The following ANTXR1 variants were observed in gnomAD, a reference collection of about 807,000 sequenced individuals.
ANTXR1 encodes the protein ANTXR cell adhesion molecule 1.
Under a neutral mutation model 78.1 loss-of-function variants are expected in ANTXR1, and 19 were observed. That is an observed-to-expected ratio of 0.24 (90% CI 0.17 to 0.36). The LOEUF (loss-of-function observed/expected upper bound fraction) is 0.36, where lower values mean the gene tolerates loss of function less well. Ranked by LOEUF, ANTXR1 falls within the 10% of genes least tolerant of loss-of-function variation. ANTXR1 has a pLI of 1.00. For synonymous variants in ANTXR1, 273 were observed against 260.5 expected, an observed-to-expected ratio of 1.05 and a Z score of -0.46; for missense variants, 518 against 718.6, an observed-to-expected ratio of 0.72 and a Z score of 3.19.
In ANTXR1 at chr2:69,059,481, C is replaced by CT. The variant is rs35182884; in HGVS notation, c.297-11152dup. On this transcript the variant is annotated intron_variant, in intron 3 of 17. Coordinates refer to ENST00000303714, the MANE Select transcript of ANTXR1 (RefSeq NM_032208.3). ...AAAGTATTTTTCATCGAAGTGTGTACTTTTTTTTTTTTTTGAGACCGAGTT... is the reference window on the plus strand; with the variant it reads ...AAAGTATTTTTCATCGAAGTGTGTACTTTTTTTTTTTTTTTGAGACCGAGTT... Among the ~76,000 whole-genome samples the CT allele has an allele frequency of 5.6e-3, 814 of 145,922 alleles. 5 individuals carry two copies. Among genetic ancestry groups the CT allele is most frequent in the African/African-American group, 0.017 (696 of 40,078 alleles).
intron 17 of ANTXR1, among the ~76,000 whole-genome samples, chr2:69,230,298 G>A (rs943572073): frequency 1.3e-5 from 2 of 151,696 alleles, no homozygotes; most frequent in Admixed American, 1.3e-4. Flanking sequence ...ATTTCCTTAT[G>A]TCATCTAGTA....
At chr2:69,041,657 C>A (rs915254489) in intron 2 of ANTXR1, among the ~76,000 whole-genome samples, 2 of 152,226 alleles carry the variant, frequency 1.3e-5, no homozygotes, top group Admixed American at 6.5e-5. Context: ...CAGTCCAGCA[C>A]CTGGCTTAGA....
chr2:69,192,547 G>A lies in ANTXR1; in HGVS notation c.1354-788G>A, dbSNP rs563538364. Among the ~76,000 whole-genome samples, 104 of 152,218 alleles carry A rather than the reference G, an allele frequency of 6.8e-4. 1 individual carries two copies. Among genetic ancestry groups the A allele is most frequent in the East Asian group, 1.3e-3 (7 of 5,186 alleles). ...CCCATGCAGTTAGACTGAGCCCACC[G>A]GATAGTCCAGGATACTCTCCCCATC... On this transcript the variant is annotated intron_variant, in intron 16 of 17. Coordinates refer to ENST00000303714, the MANE Select transcript of ANTXR1 (RefSeq NM_032208.3).
intron 17 of ANTXR1, among the ~76,000 whole-genome samples, chr2:69,195,767 GA>G (rs920646160): frequency 2.0e-5 from 3 of 151,868 alleles, no homozygotes; most frequent in Admixed American, 2.0e-4. Flanking sequence ...GACAGATTGA[GA>G]AAAAAATAAT....
At chr2:69,163,966 G>A (rs1002878605) in intron 13 of ANTXR1, among the ~76,000 whole-genome samples, 6 of 152,184 alleles carry the variant, frequency 3.9e-5, no homozygotes, top group African/African-American at 1.4e-4. Context: ...TTTTGAGCTG[G>A]CACAGTTTTG....
chr2:69,229,424 T>C (rs1253102651), intron 17 of ANTXR1, among the ~76,000 whole-genome samples: 3 of 152,156 alleles, frequency 2.0e-5, no homozygotes, highest in African/African-American at 7.2e-5. Flanking sequence ...ATCAGCGCTG[T>C]GCACCAGATG....
At chr2:69,023,589 C>A (rs1424072526) in intron 1 of ANTXR1, among the ~76,000 whole-genome samples, 1 of 151,848 alleles carries the variant, frequency 6.6e-6, no homozygotes, top group East Asian at 1.9e-4. Flanking sequence ...AGAATATGGT[C>A]CTCTAACAAA....
chr2:69,136,150 A>C (rs1271607389), intron 12 of ANTXR1, among the ~76,000 whole-genome samples: 1 of 152,196 alleles, frequency 6.6e-6, no homozygotes, highest in African/African-American at 2.4e-5. Context: ...AATGCAATGA[A>C]ATATTCTCTG....
intron 12 of ANTXR1, among the ~76,000 whole-genome samples, chr2:69,137,458 G>T (rs991218685): frequency 3.3e-5 from 5 of 152,146 alleles, no homozygotes; most frequent in African/African-American, 1.2e-4. Flanking sequence ...GGTTATTGAG[G>T]CTATTCCAGA....
In ANTXR1 at chr2:69,096,302, A is replaced by C. The variant is rs1374969165; in HGVS notation, c.703+5383A>C. On this transcript the variant is annotated intron_variant, in intron 9 of 17. Coordinates refer to ENST00000303714, the MANE Select transcript of ANTXR1 (RefSeq NM_032208.3). ...GAAGGAAGGAAGGGAGGAAGGGAGG[A>C]AGGGAGGAAGGGAGGAAGGGAGGAA... Among the ~76,000 whole-genome samples, 29 of 3,176 alleles carry C rather than the reference A, an allele frequency of 9.1e-3. 5 individuals are homozygous for C. Among genetic ancestry groups the C allele is most frequent in the Non-Finnish European group, 0.014 (23 of 1,634 alleles). The allele number at this position is 3,176 out of a possible 152,430, so 2.1% of individuals were successfully genotyped here. A position where few individuals can be genotyped will look rare whatever the true frequency, so the allele number is the denominator to read the frequency against.
In ANTXR1 at chr2:69,069,751, A is replaced by T. The variant is rs182141935; in HGVS notation, c.297-896A>T. Among the ~76,000 whole-genome samples the T allele has an allele frequency of 3.3e-5, 5 of 152,346 alleles. No homozygotes were observed. The East Asian group carries it at 9.6e-4, about 29-fold the overall frequency. On this transcript the variant is annotated intron_variant, in intron 3 of 17. Coordinates refer to ENST00000303714, the MANE Select transcript of ANTXR1 (RefSeq NM_032208.3). The stretch of plus-strand genomic sequence containing the variant: ...TTGGTCACTACCTTGTATATAGCGG[A>T]TGCTCAATAAATGTTAGATTTTTTC...
At chr2:69,208,111 C>T (rs11126226) in intron 17 of ANTXR1, among the ~76,000 whole-genome samples, 19,304 of 152,194 alleles carry the variant, frequency 0.13, 1,299 homozygotes, top group Non-Finnish European at 0.15. Context: ...GTTCTCAATC[C>T]GGTCTGTGGA....
chr2:69,126,483 C>A (rs1672544659), intron 12 of ANTXR1, among the ~76,000 whole-genome samples: 1 of 152,084 alleles, frequency 6.6e-6, no homozygotes, highest in Non-Finnish European at 1.5e-5. Context: ...CCTTCTGGGA[C>A]CTGCCAACCT....
intron 17 of ANTXR1, among the ~76,000 whole-genome samples, chr2:69,194,746 A>G (rs921907746): frequency 1.3e-5 from 2 of 152,176 alleles, no homozygotes; most frequent in African/African-American, 4.8e-5. Flanking sequence ...CCAGCTACTC[A>G]GGAGACTGAA....
chr2:69,209,796 G>A (rs1418687224), intron 17 of ANTXR1, among the ~76,000 whole-genome samples: 2 of 152,248 alleles, frequency 1.3e-5, no homozygotes, highest in Non-Finnish European at 2.9e-5. Flanking sequence ...GACAGCAGGG[G>A]AGATGGCCAT....
At chr2:69,131,861 A>G (rs1026151123) in intron 12 of ANTXR1, among the ~76,000 whole-genome samples, 3 of 152,162 alleles carry the variant, frequency 2.0e-5, no homozygotes, top group Admixed American at 1.3e-4. Context: ...ATAATTTAAC[A>G]GGGGAAAAAA....
At chr2:69,033,181 A>C (rs1671580898) in intron 1 of ANTXR1, among the ~76,000 whole-genome samples, 1 of 152,230 alleles carries the variant, frequency 6.6e-6, no homozygotes, top group Admixed American at 6.5e-5. Flanking sequence ...GGGCAGCCCC[A>C]ACTCAAAGTA....
At chr2:69,206,324 C>A (rs1674900847) in intron 17 of ANTXR1, among the ~76,000 whole-genome samples, 1 of 152,144 alleles carries the variant, frequency 6.6e-6, no homozygotes, top group Non-Finnish European at 1.5e-5. Context: ...ATTTACTTTC[C>A]TGCTTATTAA....
chr2:69,197,348 A>C (rs1299942280), intron 17 of ANTXR1, among the ~76,000 whole-genome samples: 2 of 152,092 alleles, frequency 1.3e-5, no homozygotes, highest in African/African-American at 4.8e-5. Context: ...ACTTGCAAAA[A>C]CTGTGGGAAA....
Sources: gnomAD v4.1 joint callset for allele counts (sites outside exome capture counted in the v4.1 genomes callset) on GRCh38, gnomAD v4.1.1 for gene constraint, MANE v1.5 for transcripts, NCBI Gene and HGNC (gene_info 2026-07-23, HGNC 2026-07-21) for gene names.